Variants in ALDH6A1 observed in about 807,000 individuals in gnomAD.
ALDH6A1 encodes aldehyde dehydrogenase 6 family member A1, also known as methylmalonate-semialdehyde/malonate-semialdehyde dehydrogenase [acylating], mitochondrial.
ALDH6A1 carries 43 observed loss-of-function variants against 62.6 expected under a neutral mutation model. The observed-to-expected ratio is 0.69, with a 90% CI of 0.54 to 0.89. The LOEUF (loss-of-function observed/expected upper bound fraction) is 0.89. Among genes scored for constraint, ALDH6A1 ranks in the 40% least tolerant of loss-of-function variants. The probability of loss-of-function intolerance (pLI) is 0.00; values close to 1 mark genes in which losing one functional copy is unlikely to be tolerated. For missense variants in ALDH6A1, 551 were observed against 661.3 expected (o/e 0.83, Z 1.83); for synonymous variants, 194 against 234.2 (o/e 0.83, Z 1.57).
Position 74,067,394 on chromosome 14 carries a change from A to G in ALDH6A1, c.1028T>C (p.Leu343Pro). The change falls in exon 8 of 12, where the codon CTG (leucine) becomes CCG (proline). Residue 343 changes from leucine to proline, a missense_variant. Transcript: ENST00000553458. ...TGATTGATTACCTGCATTGACTCTC[A>G]GGTTTTTGGCATGCTCCACCAGCTC... ...LPELVEHAKN[L>P]RVNAGDQPGA... is the part of the protein sequence containing the mutation. The G allele has an allele frequency of 6.2e-7, 1 of 1,613,534 alleles. No individual in the cohort carries two copies.
In ALDH6A1 at chr14:74,059,151, AT is replaced by A. The variant is rs1313055585; in HGVS notation, c.*1490del. On this transcript the variant is annotated 3_prime_UTR_variant, in exon 12 of 12. Coordinates refer to ENST00000553458, the MANE Select transcript of ALDH6A1 (RefSeq NM_005589.4). Reference sequence around the variant, plus strand: ...AATGGCAGAAGAAGACTGTCAAAGCATTTTTTTTTAACCACTTTATGTCATG... The same window carrying A: ...AATGGCAGAAGAAGACTGTCAAAGCATTTTTTTTAACCACTTTATGTCATG... The A allele has an allele frequency of 5.0e-4, 99 of 197,964 alleles. No homozygotes were observed. Among genetic ancestry groups the A allele is most frequent in the South Asian group, 1.4e-3 (22 of 15,212 alleles). The allele number at this position is 197,964 out of a possible 1,614,324, so 12.3% of individuals were successfully genotyped here.
At chr14:74,069,712 C>T (rs920402800) in intron 6 of ALDH6A1, among the ~76,000 whole-genome samples, 1 of 152,002 alleles carries the variant, frequency 6.6e-6, no homozygotes, top group Non-Finnish European at 1.5e-5. Flanking sequence ...GAGATTGTGC[C>T]ATTGCGCCTC....
At chr14:74,080,800 C>T (rs1175179770) in intron 1 of ALDH6A1, among the ~76,000 whole-genome samples, 1 of 152,158 alleles carries the variant, frequency 6.6e-6, no homozygotes, top group Non-Finnish European at 1.5e-5. Flanking sequence ...CTTTCTGAAA[C>T]ATAAATCTGG....
chr14:74,065,364 C>T lies in ALDH6A1; in HGVS notation c.1225-4G>A, dbSNP rs1234042813. On this transcript the variant is annotated splice_polypyrimidine_tract_variant and splice_region_variant and intron_variant, in intron 9 of 11. Transcript: ENST00000553458. ...CTTTGTAACAGGTCATATTTGGCTGCCAGGAGTGATGCATCCAGAAAAGAA... is the reference window on the plus strand; with the variant it reads ...CTTTGTAACAGGTCATATTTGGCTGTCAGGAGTGATGCATCCAGAAAAGAA... 1.2e-6 allele frequency: 2 copies of T among 1,613,698 alleles called. No individual in the cohort carries two copies. The highest frequency in any genetic ancestry group is 8.5e-7 in the Non-Finnish European group (1 of 1,179,954).
At position 74,060,458 on chromosome 14, in the gene ALDH6A1, G is replaced by GGT. The variant is rs1164223925; in HGVS notation, c.*182_*183dup. The GGT allele has an allele frequency of 8.2e-6, 5 of 613,138 alleles. No homozygotes were observed. The highest frequency in any genetic ancestry group is 1.2e-5 in the Non-Finnish European group (4 of 339,280). 38.0% of individuals were successfully genotyped at this position (613,138 alleles called of 1,614,324 possible). A position where few individuals can be genotyped will look rare whatever the true frequency, so the allele number is the denominator to read the frequency against. On this transcript the variant is annotated 3_prime_UTR_variant, in exon 12 of 12. Coordinates refer to ENST00000553458, the MANE Select transcript of ALDH6A1 (RefSeq NM_005589.4). ...AGTATGAAGAGCAAGTGAGAAATCT[G>GGT]GTTTCATTGTTACACTAGGCAGTTC... is the stretch of plus-strand genomic sequence containing the variant.
At position 74,057,300 on chromosome 14, in the gene ALDH6A1, ACCCTT is replaced by A. The variant is rs1217823011; in HGVS notation, c.*3337_*3341del. 1 of 1,612,892 alleles carries A rather than the reference ACCCTT, an allele frequency of 6.2e-7. No homozygotes were observed. The highest frequency in any genetic ancestry group is 1.3e-5 in the African/African-American group (1 of 74,904). On this transcript the variant is annotated 3_prime_UTR_variant, in exon 12 of 12. Coordinates refer to ENST00000553458, the MANE Select transcript of ALDH6A1 (RefSeq NM_005589.4). ...TAATCAAACAATGTATATTGTTGTC[ACCCTT>A]CCCCATGTCGCTTCTTGCTAAATCA...
chr14:74,068,536 C>T lies in ALDH6A1; in HGVS notation c.852+324G>A, dbSNP rs930106037. Among the ~76,000 whole-genome samples the T allele has an allele frequency of 5.3e-5, 8 of 152,108 alleles. No homozygotes were observed. In the South Asian group the frequency reaches 1.2e-3, roughly 24 times the overall value. On this transcript the variant is annotated intron_variant, in intron 7 of 11. Coordinates refer to ENST00000553458, the MANE Select transcript of ALDH6A1 (RefSeq NM_005589.4). ...CGGGCAGATCATGAGGTCAGGAGAT[C>T]GAAACCATCCTGGCCAACATGGTGA...
chr14:74,075,726 A>C (rs947244268), intron 1 of ALDH6A1, among the ~76,000 whole-genome samples: 5 of 152,172 alleles, frequency 3.3e-5, no homozygotes, highest in African/African-American at 1.2e-4. Flanking sequence ...ATAAATCAAA[A>C]TTTATTACCA....
At position 74,060,302 on chromosome 14, in the gene ALDH6A1, A is replaced by C. The variant is rs965412778; in HGVS notation, c.*340T>G. The C allele has an allele frequency of 3.5e-6, 1 of 287,818 alleles. No individual in the cohort carries two copies. Among genetic ancestry groups the C allele is most frequent in the African/African-American group, 2.2e-5 (1 of 46,110 alleles). The allele number at this position is 287,818 out of a possible 1,614,324, so 17.8% of individuals were successfully genotyped here. A position where few individuals can be genotyped will look rare whatever the true frequency, so the allele number is the denominator to read the frequency against. ...GGCGTGAGCCACCGCGCCTGGCTGG[A>C]ACATTTTCTTTACATACACTGGCTT... On this transcript the variant is annotated 3_prime_UTR_variant, in exon 12 of 12. Coordinates refer to ENST00000553458, the MANE Select transcript of ALDH6A1 (RefSeq NM_005589.4).
At chr14:74,074,234 C>G (rs1283077514) in intron 2 of ALDH6A1, among the ~76,000 whole-genome samples, 1 of 151,860 alleles carries the variant, frequency 6.6e-6, no homozygotes. Flanking sequence ...GCCTCAGCCT[C>G]CCAAAGTGCT....
chr14:74,069,034 A>G, intron 6 of ALDH6A1, 53 bp from the exon 7 acceptor site: 4 of 1,595,974 alleles, frequency 2.5e-6, no homozygotes, highest in East Asian at 4.5e-5. Flanking sequence ...GATTCTCAAC[A>G]TGGCAAATTT....
intron 1 of ALDH6A1, among the ~76,000 whole-genome samples, chr14:74,076,173 T>G (rs1348878606): frequency 2.0e-5 from 3 of 152,230 alleles, no homozygotes; most frequent in South Asian, 2.1e-4. Context: ...CTGCATACTT[T>G]AAATATGTAC....
chr14:74,075,716 A>C (rs1287758101), intron 1 of ALDH6A1, among the ~76,000 whole-genome samples: 1 of 152,188 alleles, frequency 6.6e-6, no homozygotes, highest in Non-Finnish European at 1.5e-5. Flanking sequence ...CAATGTAAAT[A>C]TAAATCAAAA....
intron 2 of ALDH6A1, among the ~76,000 whole-genome samples, 175 bp from the exon 3 acceptor site, chr14:74,072,786 T>G (rs1327077293): frequency 2.6e-5 from 4 of 152,172 alleles, no homozygotes; most frequent in African/African-American, 4.8e-5. Flanking sequence ...TCCCTATCTA[T>G]TCTGTGTGTG....
At chr14:74,078,329 A>G in intron 1 of ALDH6A1, 1 of 449,682 alleles carries the variant, frequency 2.2e-6, no homozygotes, top group Non-Finnish European at 4.4e-6. Context: ...GTGCACGATC[A>G]ATATATGTGG....
At chr14:74,063,453 G>A (rs2139749876) in intron 11 of ALDH6A1, among the ~76,000 whole-genome samples, 1 of 152,026 alleles carries the variant, frequency 6.6e-6, no homozygotes, top group East Asian at 2.0e-4. Context: ...CCAAAGTGCT[G>A]GGATTACAGG....
intron 1 of ALDH6A1, 144 bp from the exon 2 acceptor site, chr14:74,075,161 T>C: frequency 1.4e-6 from 1 of 711,614 alleles, no homozygotes. Flanking sequence ...AGAGAAAAGA[T>C]ATGAATCTAT....
chr14:74,060,239 A>C lies in ALDH6A1; in HGVS notation c.*403T>G, dbSNP rs1135885. The C allele has an allele frequency of 4.7e-3, 861 of 181,914 alleles. 12 individuals carry two copies. Among genetic ancestry groups the C allele is most frequent in the African/African-American group, 0.02 (831 of 42,498 alleles). 11.3% of individuals were successfully genotyped at this position (181,914 alleles called of 1,614,324 possible). Reference sequence around the variant, plus strand: ...GTTCTTCAACTCCTGGGCTCAAGCAATCTGCCCACTGTGGCCTCCCAAAAT... The same window carrying C: ...GTTCTTCAACTCCTGGGCTCAAGCACTCTGCCCACTGTGGCCTCCCAAAAT... On this transcript the variant is annotated 3_prime_UTR_variant, in exon 12 of 12. Transcript: ENST00000553458.
Position 74,056,957 on chromosome 14 carries a change from C to T in ALDH6A1, c.*3685G>A, listed in dbSNP as rs774259468. ...CAGTTCCAGACTATGTTGTTTCTGA[C>T]AGTGGGGAAACAAAGGAATTTGGGT... On this transcript the variant is annotated 3_prime_UTR_variant, in exon 12 of 12. Transcript: ENST00000553458. 1.2e-6 allele frequency: 2 copies of T among 1,613,588 alleles called. No individual in the cohort carries two copies. Among genetic ancestry groups the T allele is most frequent in the Non-Finnish European group, 1.7e-6 (2 of 1,179,706 alleles).
Sources: allele counts gnomAD v4.1 joint callset (sites outside exome capture counted in the v4.1 genomes callset), GRCh38; gene constraint gnomAD v4.1.1; transcripts MANE v1.5; gene names NCBI Gene and HGNC (gene_info 2026-07-23, HGNC 2026-07-21).